The following ADORA2A variants were observed in gnomAD, a reference collection of about 807,000 sequenced individuals.
ADORA2A encodes adenosine A2a receptor.
Under a neutral mutation model 18.4 loss-of-function variants are expected in ADORA2A, and 11 were observed. The observed-to-expected ratio is 0.60, with a 90% CI of 0.38 to 0.99. The LOEUF is 0.99. ADORA2A is among the 50% of genes least tolerant of loss of function. The probability of loss-of-function intolerance (pLI) is 0.01; values close to 1 mark genes in which losing one functional copy is unlikely to be tolerated. For missense variants in ADORA2A, 449 were observed against 556.1 expected (o/e 0.81, Z 1.94); for synonymous variants, 218 against 237.3 (o/e 0.92, Z 0.75).
rs1270243044 is a variant in ADORA2A at position 24,435,134 on chromosome 22, C to A, written c.332+1398C>A. Among the ~76,000 whole-genome samples the A allele has an allele frequency of 3.3e-5, 5 of 152,218 alleles. No individual in the cohort carries two copies. In the East Asian group the frequency reaches 9.6e-4, roughly 29 times the overall value. On this transcript the variant is annotated intron_variant, in intron 2 of 2. Transcript: ENST00000337539. ...TCTCTATCCCAGGAGAGTCTAGAAC[C>A]CTCGGCAAAGGAGAAGGGGACCCTG... is the stretch of plus-strand genomic sequence containing the variant.
At chr22:24,428,975 C>G (rs2042962288) in intron 1 of ADORA2A, among the ~76,000 whole-genome samples, 1 of 152,224 alleles carries the variant, frequency 6.6e-6, no homozygotes, top group African/African-American at 2.4e-5. Context: ...GGTTCTAAGG[C>G]TGGGATTCTG....
At chr22:24,428,961 G>A (rs1036684949) in intron 1 of ADORA2A, among the ~76,000 whole-genome samples, 5 of 152,360 alleles carry the variant, frequency 3.3e-5, no homozygotes, top group Non-Finnish European at 4.4e-5. Context: ...AAAAGCAGCA[G>A]GAGGGTTCTA....
chr22:24,436,526 G>A (rs2043182564), intron 2 of ADORA2A, among the ~76,000 whole-genome samples: 1 of 152,256 alleles, frequency 6.6e-6, no homozygotes, highest in African/African-American at 2.4e-5. Flanking sequence ...GCCAGAGGCA[G>A]AGATGTAGCT....
chr22:24,429,689 C>T (rs1301670278), intron 1 of ADORA2A: 3 of 152,354 alleles, frequency 2.0e-5, no homozygotes, highest in African/African-American at 4.8e-5. Flanking sequence ...TGAGAGAGGT[C>T]GCTTCGTGCC....
At position 24,441,516 on chromosome 22, in the gene ADORA2A, A is replaced by C; in HGVS notation, c.*27A>C. 1 of 1,478,784 alleles carries C rather than the reference A, an allele frequency of 6.8e-7. No individual in the cohort carries two copies. The highest frequency in any genetic ancestry group is 9.0e-7 in the Non-Finnish European group (1 of 1,114,950). The allele number at this position is 1,478,784 out of a possible 1,614,324, so 91.6% of individuals were successfully genotyped here. ...GATTCATGGAGTTTGCCCCTTCCTA[A>C]GGGAAGGAGATCTTTATCTTTCTGG... On this transcript the variant is annotated 3_prime_UTR_variant, in exon 3 of 3. Transcript: ENST00000337539.
At chr22:24,434,970 C>T (rs758025023) in intron 2 of ADORA2A, among the ~76,000 whole-genome samples, 4 of 152,146 alleles carry the variant, frequency 2.6e-5, no homozygotes, top group African/African-American at 4.8e-5. Flanking sequence ...CACTGGGGAG[C>T]GGTCATGAGC....
chr22:24,426,921 C>G (rs1038622560), upstream of ADORA2A, among the ~76,000 whole-genome samples: 1 of 152,224 alleles, frequency 6.6e-6, no homozygotes, highest in Non-Finnish European at 1.5e-5. Flanking sequence ...CACCACCCCC[C>G]GCCAACACCC....
Position 24,433,555 on chromosome 22 carries a change from G to T in ADORA2A, c.151G>T (p.Ala51Ser). 1 of 1,614,112 alleles carries T rather than the reference G, an allele frequency of 6.2e-7. No homozygotes were observed. Among genetic ancestry groups the T allele is most frequent in the Non-Finnish European group, 8.5e-7 (1 of 1,180,048 alleles). The stretch of plus-strand genomic sequence containing the variant: ...CTACTTTGTGGTGTCACTGGCGGCG[G>T]CCGACATCGCAGTGGGTGTGCTCGC... ...TNYFVVSLAA[A>S]DIAVGVLAIP... is the part of the protein sequence containing the mutation. The change falls in exon 2 of 3, where the codon GCC becomes TCC. Residue 51 changes from alanine to serine, a missense_variant. Coordinates refer to ENST00000337539, the MANE Select transcript of ADORA2A (RefSeq NM_000675.6).
intron 2 of ADORA2A, among the ~76,000 whole-genome samples, chr22:24,435,946 G>A (rs1283443288): frequency 6.6e-6 from 1 of 152,234 alleles, no homozygotes; most frequent in East Asian, 1.9e-4. Flanking sequence ...AGGGCAGAGA[G>A]CTTTGCAGTT....
At chr22:24,432,508 GC>G (rs909467576) in intron 1 of ADORA2A, 8 of 152,522 alleles carry the variant, frequency 5.2e-5, no homozygotes, top group African/African-American at 1.9e-4. Context: ...GTGTCATGGG[GC>G]TGGCCGAGAT....
chr22:24,430,623 T>C (rs1485581652), intron 1 of ADORA2A, among the ~76,000 whole-genome samples: 1 of 152,242 alleles, frequency 6.6e-6, no homozygotes, highest in Non-Finnish European at 1.5e-5. Flanking sequence ...CGCCGATGAT[T>C]TGACCCCACC....
intron 2 of ADORA2A, among the ~76,000 whole-genome samples, chr22:24,435,489 T>C (rs916485059): frequency 3.3e-5 from 5 of 152,206 alleles, no homozygotes; most frequent in African/African-American, 1.2e-4. Flanking sequence ...CGACTTTTTT[T>C]CTCTTTTGTC....
chr22:24,431,097 T>C, intron 1 of ADORA2A: 2 of 456,284 alleles, frequency 4.4e-6, no homozygotes, highest in Non-Finnish European at 4.4e-6. Context: ...GTTCCTTGAG[T>C]GTGGCCAGGG....
At chr22:24,435,731 G>A (rs2043157884) in intron 2 of ADORA2A, among the ~76,000 whole-genome samples, 1 of 152,134 alleles carries the variant, frequency 6.6e-6, no homozygotes, top group South Asian at 2.1e-4. Context: ...TGGGGAGGGT[G>A]GGGATTCAGA....
chr22:24,428,728 C>T (rs777159746), intron 1 of ADORA2A, among the ~76,000 whole-genome samples: 25 of 152,216 alleles, frequency 1.6e-4, no homozygotes, highest in Non-Finnish European at 3.4e-4. Flanking sequence ...TGCGACTCCT[C>T]TTAGCTGAGC....
chr22:24,432,767 T>G (rs1242252957), intron 1 of ADORA2A: 1 of 156,822 alleles, frequency 6.4e-6, no homozygotes, highest in African/African-American at 2.4e-5. Context: ...AGGGCAGTAC[T>G]CATTCTGCAG....
At chr22:24,430,619 T>G (rs1457771070) in intron 1 of ADORA2A, among the ~76,000 whole-genome samples, 3 of 152,192 alleles carry the variant, frequency 2.0e-5, no homozygotes, top group African/African-American at 7.2e-5. Context: ...CAGGCGCCGA[T>G]GATTTGACCC....
At chr22:24,436,799 G>A (rs890401927) in intron 2 of ADORA2A, among the ~76,000 whole-genome samples, 1 of 152,206 alleles carries the variant, frequency 6.6e-6, no homozygotes, top group Non-Finnish European at 1.5e-5. Flanking sequence ...AGGACGGGCA[G>A]GCAGGGTCTC....
intron 2 of ADORA2A, among the ~76,000 whole-genome samples, chr22:24,439,948 CCT>C (rs530639949): frequency 6.6e-6 from 1 of 152,158 alleles, no homozygotes; most frequent in African/African-American, 2.4e-5. Flanking sequence ...GACCTCCTCC[CCT>C]CTTTTACCCT....
Sources: allele counts gnomAD v4.1 joint callset (sites outside exome capture counted in the v4.1 genomes callset), GRCh38; gene constraint gnomAD v4.1.1; transcripts MANE v1.5; gene names NCBI Gene and HGNC (gene_info 2026-07-23, HGNC 2026-07-21).